The following SNX1 variants were observed in gnomAD, a reference collection of about 807,000 sequenced individuals.
SNX1 encodes sorting nexin-1.
In SNX1, 36 loss-of-function variants were observed where a neutral mutation model predicts 71.8. The observed-to-expected ratio is 0.50, with a 90% CI of 0.38 to 0.66. The LOEUF is 0.66. Ranked by LOEUF, SNX1 falls within the 30% of genes least tolerant of loss-of-function variation. The probability of loss-of-function intolerance (pLI) is 0.00; values close to 1 mark genes in which losing one functional copy is unlikely to be tolerated. For synonymous variants in SNX1, 254 were observed against 240.7 expected, an observed-to-expected ratio of 1.06 and a Z score of -0.51; for missense variants, 612 against 646.7, an observed-to-expected ratio of 0.95 and a Z score of 0.58.
intron 2 of SNX1, chr15:64,115,808 G>T (rs2081123015): frequency 6.0e-6 from 1 of 165,762 alleles, no homozygotes; most frequent in Non-Finnish European, 1.3e-5. Flanking sequence ...AAGGTTTTTA[G>T]TAGCTTTCTA....
rs201857578 is a variant in SNX1 at position 64,118,108 on chromosome 15, T to C, written c.272-9T>C. ...TGACCTTCATTTTAAAATATCAACT[T>C]CATTTTAGATGCCACAGTGGAGCTA... is the stretch of plus-strand genomic sequence containing the variant. On this transcript the variant is annotated splice_polypyrimidine_tract_variant and intron_variant, in intron 2 of 14. Coordinates refer to ENST00000559844, the MANE Select transcript of SNX1 (RefSeq NM_003099.5). 9.7e-5 allele frequency: 156 copies of C among 1,610,178 alleles called. No individual in the cohort carries two copies. Among genetic ancestry groups the C allele is most frequent in the Non-Finnish European group, 2.1e-5 (25 of 1,178,908 alleles).
chr15:64,104,329 G>C (rs1453664606), intron 1 of SNX1, among the ~76,000 whole-genome samples: 2 of 143,830 alleles, frequency 1.4e-5, no homozygotes, highest in African/African-American at 5.2e-5. Flanking sequence ...CTGGAGTGCA[G>C]TGGCGCGATT....
rs1040684375 is a variant in SNX1, at chr15:64,142,595, G to T, written c.*4977G>T. ...GTGGAGGGGAGGCCGAAGAGGGGAAGTTTCATGCTTGATAATTAAAATTTT... is the reference window on the plus strand; with the variant it reads ...GTGGAGGGGAGGCCGAAGAGGGGAATTTTCATGCTTGATAATTAAAATTTT... On this transcript the variant is annotated 3_prime_UTR_variant, in exon 15 of 15. Coordinates refer to ENST00000559844, the MANE Select transcript of SNX1 (RefSeq NM_003099.5). 2.0e-5 allele frequency: 9 copies of T among 455,702 alleles called. No homozygotes were observed. Among genetic ancestry groups the T allele is most frequent in the Non-Finnish European group, 4.0e-5 (9 of 226,708 alleles). 28.2% of individuals were successfully genotyped at this position (455,702 alleles called of 1,614,324 possible).
At chr15:64,122,454 A>G (rs2081205546) in intron 4 of SNX1, among the ~76,000 whole-genome samples, 1 of 152,174 alleles carries the variant, frequency 6.6e-6, no homozygotes, top group Non-Finnish European at 1.5e-5. Flanking sequence ...CAAGCCCTGT[A>G]TTCCTGTGTA....
At chr15:64,103,879 T>A (rs1045638944) in intron 1 of SNX1, among the ~76,000 whole-genome samples, 1 of 152,182 alleles carries the variant, frequency 6.6e-6, no homozygotes, top group Non-Finnish European at 1.5e-5. Context: ...CAAAGGTGTA[T>A]CACTTAGTTT....
At chr15:64,108,439 G>A (rs1249250041) in intron 1 of SNX1, among the ~76,000 whole-genome samples, 3 of 151,982 alleles carry the variant, frequency 2.0e-5, no homozygotes, top group Admixed American at 6.6e-5. Flanking sequence ...TTTTGATAAC[G>A]TGCTATTATT....
intron 1 of SNX1, among the ~76,000 whole-genome samples, chr15:64,109,801 G>A (rs945741937): frequency 6.6e-6 from 1 of 152,160 alleles, no homozygotes; most frequent in Non-Finnish European, 1.5e-5. Context: ...CTCCCAAAGT[G>A]CTGGGATTAC....
At chr15:64,125,933 ACT>A (rs1214830347) in intron 5 of SNX1, 144 bp from the exon 6 acceptor site, 6 of 814,318 alleles carry the variant, frequency 7.4e-6, no homozygotes, top group Middle Eastern at 3.5e-4. Flanking sequence ...AAAGTTTAAG[ACT>A]CTCTGCCTTG....
At chr15:64,117,818 T>C (rs2081146706) in intron 2 of SNX1, among the ~76,000 whole-genome samples, 1 of 152,168 alleles carries the variant, frequency 6.6e-6, no homozygotes, top group South Asian at 2.1e-4. Flanking sequence ...GATAAACTTA[T>C]TTTGGCTGTG....
chr15:64,141,136 G>A lies in SNX1; in HGVS notation c.*3518G>A, dbSNP rs532420095. The A allele has an allele frequency of 6.6e-6, 1 of 152,326 alleles. No individual in the cohort carries two copies. The highest frequency in any genetic ancestry group is 2.1e-4 in the South Asian group (1 of 4,832). The allele number at this position is 152,326 out of a possible 1,614,324, so 9.4% of individuals were successfully genotyped here. On this transcript the variant is annotated 3_prime_UTR_variant, in exon 15 of 15. Transcript: ENST00000559844. The surrounding 1 kb of genome is among the most constrained non-coding windows in gnomAD (Gnocchi z 5.1). ...TCATGAATTCACACTGATGCTTTGA[G>A]ACCAGCCCTGTAGGTTTATTCCAGT... is the stretch of plus-strand genomic sequence containing the variant.
Position 64,130,023 on chromosome 15 carries a change from A to G in SNX1, c.915A>G (p.Ser305=). Residue 305 remains serine (S), a synonymous_variant, in exon 9 of 15, where the codon TCA becomes TCG. Coordinates refer to ENST00000559844, the MANE Select transcript of SNX1 (RefSeq NM_003099.5). The part of the protein sequence containing the change: ...VSKMTIKMNE[S]DIWFEEKLQE... ...AAATGACCATCAAGATGAATGAATC[A>G]GACATTGTGAGTAGCCCTGTGCCTC... 1 of 1,611,416 alleles carries G rather than the reference A, an allele frequency of 6.2e-7. No homozygotes were observed. Among genetic ancestry groups the G allele is most frequent in the Non-Finnish European group, 8.5e-7 (1 of 1,177,482 alleles).
At position 64,138,823 on chromosome 15, in the gene SNX1, C is replaced by T. The variant is rs957543773; in HGVS notation, c.*1205C>T. The T allele has an allele frequency of 6.6e-6, 1 of 152,356 alleles. No individual in the cohort carries two copies. Among genetic ancestry groups the T allele is most frequent in the African/African-American group, 2.4e-5 (1 of 41,436 alleles). The allele number at this position is 152,356 out of a possible 1,614,324, so 9.4% of individuals were successfully genotyped here. A position where few individuals can be genotyped will look rare whatever the true frequency, so the allele number is the denominator to read the frequency against. ...GGGCTTTGAAGCTCCTTTGTGAGCTCGAGCTGCTGACTGCCACTATGGGAG... is the reference window on the plus strand; with the variant it reads ...GGGCTTTGAAGCTCCTTTGTGAGCTTGAGCTGCTGACTGCCACTATGGGAG... On this transcript the variant is annotated 3_prime_UTR_variant, in exon 15 of 15. Transcript: ENST00000559844.
chr15:64,138,341 T>TTG lies in SNX1; in HGVS notation c.*723_*724insTG. The TTG allele has an allele frequency of 1.5e-6, 1 of 687,590 alleles. No individual in the cohort carries two copies. The highest frequency in any genetic ancestry group is 2.3e-6 in the Non-Finnish European group (1 of 442,246). The allele number at this position is 687,590 out of a possible 1,614,324, so 42.6% of individuals were successfully genotyped here. A position where few individuals can be genotyped will look rare whatever the true frequency, so the allele number is the denominator to read the frequency against. On this transcript the variant is annotated 3_prime_UTR_variant, in exon 15 of 15. Transcript: ENST00000559844. ...TCTCTCTCTCTTTTTTTTTTTTTTT[T>TTG]GGTGTCCCTATCATTAAGCAAGAGC...
chr15:64,132,471 C>G (rs1400062197), intron 11 of SNX1: 1 of 155,786 alleles, frequency 6.4e-6, no homozygotes, highest in Non-Finnish European at 1.4e-5. Context: ...TCCAGCCTGC[C>G]CCTCGTCAAG....
At chr15:64,136,798 A>G in intron 13 of SNX1, 63 bp from the exon 14 acceptor site, 1 of 1,249,540 alleles carries the variant, frequency 8.0e-7, no homozygotes, top group Non-Finnish European at 1.2e-6. Context: ...AGCAATAAAC[A>G]CCACCATCCC....
At chr15:64,125,787 G>A (rs1439098729) in intron 5 of SNX1, among the ~76,000 whole-genome samples, 3 of 151,956 alleles carry the variant, frequency 2.0e-5, no homozygotes, top group African/African-American at 4.8e-5. Context: ...TTTTTCTCAA[G>A]GGTCACCATG....
chr15:64,113,409 T>C (rs1433009185), intron 2 of SNX1, among the ~76,000 whole-genome samples: 1 of 152,134 alleles, frequency 6.6e-6, no homozygotes, highest in Non-Finnish European at 1.5e-5. Context: ...ACTACTGTTA[T>C]CTAGTGGGTA....
Position 64,112,654 on chromosome 15 carries a change from C to T in SNX1, c.241C>T (p.Gln81Ter), listed in dbSNP as rs377404172. 1 of 1,612,318 alleles carries T rather than the reference C, an allele frequency of 6.2e-7. No individual in the cohort carries two copies. The highest frequency in any genetic ancestry group is 8.5e-7 in the Non-Finnish European group (1 of 1,179,184). ...CAAAGAAAATGGGATCCATGAAGAA[C>T]AAGACCAAGAGCCACAGGATCTCTT... ...GSKENGIHEEQDQEPQDLFAD... is the reference protein window; with the variant it reads ...GSKENGIHEE The change falls in exon 2 of 15, where the codon CAA (glutamine) becomes TAA (stop). Residue 81 changes from glutamine (Q) to a stop codon, truncating the protein, a stop_gained. Coordinates refer to ENST00000559844, the MANE Select transcript of SNX1 (RefSeq NM_003099.5). LOFTEE classifies it high-confidence loss of function.
chr15:64,129,848 A>T lies in SNX1; in HGVS notation c.808-68A>T. On this transcript the variant is annotated intron_variant, in intron 8 of 14. Transcript: ENST00000559844. The surrounding 1 kb of genome is among the most constrained non-coding windows in gnomAD (Gnocchi z 4.4). ...AGTTTTGGCATGCCATCTGATGGAT[A>T]CTAATTCTTCTGAACCTAAAATAGG... 1.7e-6 allele frequency: 2 copies of T among 1,146,204 alleles called. No homozygotes were observed. Among genetic ancestry groups the T allele is most frequent in the East Asian group, 2.4e-5 (1 of 42,522 alleles). The allele number at this position is 1,146,204 out of a possible 1,614,324, so 71.0% of individuals were successfully genotyped here. A position where few individuals can be genotyped will look rare whatever the true frequency, so the allele number is the denominator to read the frequency against.
Sources: allele counts gnomAD v4.1 joint callset (sites outside exome capture counted in the v4.1 genomes callset), GRCh38; gene constraint gnomAD v4.1.1; non-coding constraint Gnocchi (gnomAD v3.1); transcripts MANE v1.5; gene names NCBI Gene and HGNC (gene_info 2026-07-23, HGNC 2026-07-21).